ZFR2: variants seen among roughly 807,000 people sequenced by gnomAD.
ZFR2 encodes zinc finger RNA-binding protein 2.
In ZFR2, 104 loss-of-function variants were observed where a neutral mutation model predicts 105.7. The ratio of observed to expected loss-of-function variants is 0.98; its 90% CI spans 0.84 to 1.16. ZFR2 has a LOEUF of 1.16. Ranked by LOEUF, ZFR2 falls within the 50% of genes most tolerant of loss-of-function variation. The pLI is 0.00. For synonymous variants in ZFR2, 634 were observed against 597.7 expected (o/e 1.06, Z -0.89); for missense variants, 1,425 against 1,355.5 (o/e 1.05, Z -0.80).
Position 3,832,745 on chromosome 19 carries a change from C to T in ZFR2, c.380-867G>A, listed in dbSNP as rs372566022. Among the ~76,000 whole-genome samples the T allele has an allele frequency of 3.9e-5, 6 of 151,938 alleles. No individual in the cohort carries two copies. The South Asian group carries it at 1.2e-3, about 31-fold the overall frequency. On this transcript the variant is annotated intron_variant, in intron 3 of 18. Transcript: ENST00000262961. ...TCAGTTCCTGGGCTCAGGCGAACCT[C>T]CTACCTCAGCCTCCTGGGTAGCTGG... is the stretch of plus-strand genomic sequence containing the variant.
chr19:3,831,280 C>T, intron 5 of ZFR2, 23 bp downstream of exon 5: 1 of 1,495,012 alleles, frequency 6.7e-7, no homozygotes. Context: ...CTGGGGCCTG[C>T]CCATGGCAGG....
In ZFR2 at chr19:3,819,467, A is replaced by C. The variant is rs187680512; in HGVS notation, c.1741-232T>G. Among the ~76,000 whole-genome samples the C allele has an allele frequency of 6.1e-3, 927 of 152,046 alleles. 8 individuals are homozygous for C. The highest frequency in any genetic ancestry group is 0.022 in the African/African-American group (892 of 41,452). ...GGTCTGAGTGAAGGAATGGGGGGAA[A>C]CTCCGCCACCTTTGGCCATATTCTT... On this transcript the variant is annotated intron_variant, in intron 11 of 18. Transcript: ENST00000262961.
intron 6 of ZFR2, among the ~76,000 whole-genome samples, chr19:3,826,970 G>A (rs1380785162): frequency 2.6e-5 from 4 of 152,124 alleles, no homozygotes; most frequent in African/African-American, 4.8e-5. Flanking sequence ...GTCCCCGCAC[G>A]GTGGCTCACG....
chr19:3,810,863 A>T lies in ZFR2; in HGVS notation c.2338-18T>A. ...GCTCGAGCCTTCGGGGGAGAAGCAC[A>T]CGGTTAGCTTTCAGGGGCTCACGTG... On this transcript the variant is annotated intron_variant, in intron 15 of 18. Coordinates refer to ENST00000262961, the MANE Select transcript of ZFR2 (RefSeq NM_015174.2). The T allele has an allele frequency of 6.5e-7, 1 of 1,549,766 alleles. No individual in the cohort carries two copies. The highest frequency in any genetic ancestry group is 8.7e-7 in the Non-Finnish European group (1 of 1,146,432).
At position 3,804,426 on chromosome 19, in the gene ZFR2, T is replaced by C. The variant is rs2037676632; in HGVS notation, c.*1523A>G. ...GCCTCAGGGCCAGCCAAGGCCTACA[T>C]CAGGGAGAGAGGGAGGAAGGAAGGA... On this transcript the variant is annotated 3_prime_UTR_variant, in exon 19 of 19. Coordinates refer to ENST00000262961, the MANE Select transcript of ZFR2 (RefSeq NM_015174.2). 6.6e-6 allele frequency: 1 copy of C among 151,752 alleles called. No homozygotes were observed. The highest frequency in any genetic ancestry group is 6.6e-5 in the Admixed American group (1 of 15,230). The allele number at this position is 151,752 out of a possible 1,614,324, so 9.4% of individuals were successfully genotyped here.
At chr19:3,809,339 C>T (rs565575448) in intron 16 of ZFR2, among the ~76,000 whole-genome samples, 6 of 152,308 alleles carry the variant, frequency 3.9e-5, no homozygotes, top group East Asian at 3.9e-4. Flanking sequence ...TCAGTTTCCC[C>T]GGCCGGTCCA....
rs2037708797 is a variant in ZFR2 at position 3,807,370 on chromosome 19, G to A, written c.2546-101C>T. On this transcript the variant is annotated intron_variant, in intron 17 of 18. Coordinates refer to ENST00000262961, the MANE Select transcript of ZFR2 (RefSeq NM_015174.2). Reference sequence around the variant, plus strand: ...ACACCGTGGGGCCTCAGGGGCCCGTGCATGGGGCTATACTTGCAGCCGTGG... The same window carrying A: ...ACACCGTGGGGCCTCAGGGGCCCGTACATGGGGCTATACTTGCAGCCGTGG... The A allele has an allele frequency of 7.3e-6, 6 of 821,942 alleles. No individual in the cohort carries two copies. The South Asian group carries it at 8.0e-5, about 11-fold the overall frequency. 50.9% of individuals were successfully genotyped at this position (821,942 alleles called of 1,614,324 possible). A position where few individuals can be genotyped will look rare whatever the true frequency, so the allele number is the denominator to read the frequency against.
At chr19:3,864,120 A>G (rs1211891262) in intron 1 of ZFR2, among the ~76,000 whole-genome samples, 3 of 152,116 alleles carry the variant, frequency 2.0e-5, no homozygotes, top group Non-Finnish European at 4.4e-5. Context: ...GCAGGGAGGA[A>G]GTGCCTGTAA....
chr19:3,815,770 T>A (rs1165805964), intron 13 of ZFR2, among the ~76,000 whole-genome samples: 1 of 139,108 alleles, frequency 7.2e-6, no homozygotes, highest in African/African-American at 2.7e-5. Flanking sequence ...TTTTTTTTTT[T>A]AGACGGAGTC....
chr19:3,850,110 C>G (rs2038222125), intron 1 of ZFR2, among the ~76,000 whole-genome samples: 1 of 152,144 alleles, frequency 6.6e-6, no homozygotes, highest in Non-Finnish European at 1.5e-5. Flanking sequence ...ACACAGATAA[C>G]AGAGACGCGG....
At chr19:3,821,901 G>A (rs570601710) in intron 9 of ZFR2, among the ~76,000 whole-genome samples, 180 bp downstream of exon 9, 56 of 152,232 alleles carry the variant, frequency 3.7e-4, no homozygotes, top group African/African-American at 1.3e-3. Context: ...GAGACACCGC[G>A]CCCGGCCGAA....
At chr19:3,850,107 TAA>T (rs2038222092) in intron 1 of ZFR2, among the ~76,000 whole-genome samples, 1 of 152,004 alleles carries the variant, frequency 6.6e-6, no homozygotes, top group African/African-American at 2.4e-5. Flanking sequence ...CCTACACAGA[TAA>T]CAGAGACGCG....
chr19:3,809,205 C>T (rs2145131034), intron 16 of ZFR2, among the ~76,000 whole-genome samples: 1 of 152,336 alleles, frequency 6.6e-6, no homozygotes, highest in Non-Finnish European at 1.5e-5. Flanking sequence ...CGGAGTCTCG[C>T]TCTATTGCCC....
chr19:3,818,865 G>A (rs1051077712), intron 12 of ZFR2, among the ~76,000 whole-genome samples, 180 bp downstream of exon 12: 8 of 152,256 alleles, frequency 5.3e-5, no homozygotes, highest in Admixed American at 2.6e-4. Context: ...CTCGTTCAGT[G>A]CCGAGAAGCT....
chr19:3,806,610 ATT>A (rs2037699727), intron 18 of ZFR2, among the ~76,000 whole-genome samples: 1 of 152,038 alleles, frequency 6.6e-6, no homozygotes, highest in Admixed American at 6.6e-5. Flanking sequence ...GGCCTGAGGA[ATT>A]TTCGCGTGGT....
intron 14 of ZFR2, 143 bp from the exon 15 acceptor site, chr19:3,811,509 C>T: frequency 1.4e-6 from 1 of 710,188 alleles, no homozygotes; most frequent in South Asian, 1.8e-5. Flanking sequence ...GGCTGGAGTG[C>T]AGTGGCATGA....
intron 7 of ZFR2, among the ~76,000 whole-genome samples, chr19:3,824,012 G>T (rs2037923576): frequency 6.6e-6 from 1 of 152,106 alleles, no homozygotes; most frequent in Admixed American, 6.6e-5. Flanking sequence ...CAAATGAGTT[G>T]TGGGCTGGGC....
chr19:3,867,305 G>GC (rs920814195), intron 1 of ZFR2, among the ~76,000 whole-genome samples: 157 of 10,242 alleles, frequency 0.015, no homozygotes, highest in Admixed American at 0.079. Flanking sequence ...ATCAACTGTT[G>GC]GGGGGGGAAT....
rs1200909811 is a variant in ZFR2, at chr19:3,823,814, C to T, written c.1214-411G>A. ...AAGAATGACTTGATGGTTTGATCTTCAAAATCATGTTGCTATTCAAGAATC... is the reference window on the plus strand; with the variant it reads ...AAGAATGACTTGATGGTTTGATCTTTAAAATCATGTTGCTATTCAAGAATC... On this transcript the variant is annotated intron_variant, in intron 7 of 18. Transcript: ENST00000262961. The surrounding 1 kb of genome is among the most constrained non-coding windows in gnomAD (Gnocchi z 5.4). 6.6e-6 allele frequency among the ~76,000 whole-genome samples: 1 copy of T among 152,202 alleles called. No individual in the cohort carries two copies. The highest frequency in any genetic ancestry group is 1.5e-5 in the Non-Finnish European group (1 of 68,044).
Sources: allele counts gnomAD v4.1 joint callset (sites outside exome capture counted in the v4.1 genomes callset), GRCh38; gene constraint gnomAD v4.1.1; non-coding constraint Gnocchi (gnomAD v3.1); transcripts MANE v1.5; gene names NCBI Gene and HGNC (gene_info 2026-07-23, HGNC 2026-07-21).